The following SPRED1 variants were observed in gnomAD, a reference collection of about 807,000 sequenced individuals.
The protein encoded by SPRED1 is sprouty related EVH1 domain containing 1, also known as sprouty-related, EVH1 domain-containing protein 1.
Under a neutral mutation model 52.3 loss-of-function variants are expected in SPRED1, and 18 were observed. The ratio of observed to expected loss-of-function variants is 0.34; its 90% CI spans 0.24 to 0.51. The LOEUF (loss-of-function observed/expected upper bound fraction) is 0.51. SPRED1 is among the 20% of genes least tolerant of loss of function. The pLI is 0.97. For missense variants in SPRED1, 485 were observed against 551.0 expected (o/e 0.88, Z 1.20); for synonymous variants, 155 against 179.7 (o/e 0.86, Z 1.10).
intron 2 of SPRED1, among the ~76,000 whole-genome samples, chr15:38,307,230 T>G (rs1895268412): frequency 6.6e-6 from 1 of 152,206 alleles, no homozygotes; most frequent in Non-Finnish European, 1.5e-5. Context: ...ATTCCTTTGG[T>G]TAATCAACCA....
At chr15:38,341,874 C>T (rs1333483241) in intron 5 of SPRED1, among the ~76,000 whole-genome samples, 1 of 151,978 alleles carries the variant, frequency 6.6e-6, no homozygotes, top group Non-Finnish European at 1.5e-5. Context: ...GAGATATCCT[C>T]TTTTATCTCT....
rs371200183 is a variant in SPRED1, at chr15:38,253,174, G to C, written c.-12G>C. ...CTCCTCCATCTCCAGATCGGATCAC[G>C]GTGAGGGAAAGATGAGCGAGGAGAC... On this transcript the variant is annotated 5_prime_UTR_variant, in exon 1 of 7. Transcript: ENST00000299084. 8.2e-6 allele frequency: 13 copies of C among 1,577,574 alleles called. No individual in the cohort carries two copies. The East Asian group carries it at 1.9e-4, about 23-fold the overall frequency.
rs139852018 is a variant in SPRED1, at chr15:38,342,225, T to C, written c.582+2330T>C. On this transcript the variant is annotated intron_variant, in intron 5 of 6. Transcript: ENST00000299084. ...GATTCTTATCCCTTTATTAGCTAAT[T>C]AGTAATACAGCTGTTAAGTATTTTT... Among the ~76,000 whole-genome samples the C allele has an allele frequency of 3.3e-5, 5 of 152,122 alleles. No homozygotes were observed. In the East Asian group the frequency reaches 9.6e-4, roughly 29 times the overall value.
chr15:38,274,852 A>G (rs905795430), intron 1 of SPRED1, among the ~76,000 whole-genome samples: 9 of 152,218 alleles, frequency 5.9e-5, no homozygotes, highest in South Asian at 2.1e-4. Context: ...TGGCAACAAT[A>G]CTATAGAGTG....
At chr15:38,331,513 T>C (rs1306050078) in intron 4 of SPRED1, among the ~76,000 whole-genome samples, 2 of 152,098 alleles carry the variant, frequency 1.3e-5, no homozygotes, top group African/African-American at 4.8e-5. Flanking sequence ...TAAGAAAGTG[T>C]TTTGGTTATT....
At chr15:38,334,410 C>T (rs1023671322) in intron 4 of SPRED1, among the ~76,000 whole-genome samples, 3 of 151,882 alleles carry the variant, frequency 2.0e-5, no homozygotes, top group South Asian at 2.1e-4. Flanking sequence ...CAAATGTACA[C>T]GTTCTATTAT....
chr15:38,268,091 TA>T (rs898351970), intron 1 of SPRED1: 2 of 152,236 alleles, frequency 1.3e-5, no homozygotes, highest in African/African-American at 4.8e-5. Flanking sequence ...TAATTTGCAA[TA>T]CATTGCTATA....
intron 2 of SPRED1, among the ~76,000 whole-genome samples, chr15:38,319,869 G>A (rs1400135065): frequency 1.3e-5 from 2 of 152,152 alleles, no homozygotes; most frequent in Non-Finnish European, 2.9e-5. Context: ...TTAACAATCA[G>A]CTTTCAAGAG....
At chr15:38,320,024 C>T (rs2140993163) in intron 2 of SPRED1, among the ~76,000 whole-genome samples, 1 of 152,194 alleles carries the variant, frequency 6.6e-6, no homozygotes, top group African/African-American at 2.4e-5. Context: ...ATATGACAGA[C>T]ATAAACTACC....
At chr15:38,275,731 C>T (rs1022535162) in intron 1 of SPRED1, among the ~76,000 whole-genome samples, 2 of 152,120 alleles carry the variant, frequency 1.3e-5, no homozygotes, top group African/African-American at 4.8e-5. Flanking sequence ...CTCCTGACCT[C>T]GTGATCCACC....
intron 2 of SPRED1, among the ~76,000 whole-genome samples, chr15:38,316,201 C>T (rs923608676): frequency 2.0e-5 from 3 of 151,832 alleles, no homozygotes; most frequent in Admixed American, 1.3e-4. Context: ...ATAAGGAAAC[C>T]GTTTGTTTTC....
intron 5 of SPRED1, among the ~76,000 whole-genome samples, chr15:38,349,052 C>G (rs1356900819): frequency 6.6e-6 from 1 of 152,146 alleles, no homozygotes; most frequent in Admixed American, 6.6e-5. Flanking sequence ...GCCCCTCCTT[C>G]CCTATTCCCA....
chr15:38,330,914 G>A (rs964326129), intron 4 of SPRED1, among the ~76,000 whole-genome samples: 7 of 151,982 alleles, frequency 4.6e-5, no homozygotes, highest in Non-Finnish European at 1.0e-4. Flanking sequence ...TTTTCTCTAA[G>A]AACTAGTACC....
chr15:38,300,793 G>A (rs189056417), intron 2 of SPRED1, among the ~76,000 whole-genome samples: 2 of 152,194 alleles, frequency 1.3e-5, no homozygotes, highest in Non-Finnish European at 2.9e-5. Context: ...TTTAAAGGTG[G>A]TCTGGCCTTG....
intron 5 of SPRED1, among the ~76,000 whole-genome samples, chr15:38,341,119 T>C (rs1896022179): frequency 6.6e-6 from 1 of 151,820 alleles, no homozygotes; most frequent in South Asian, 2.1e-4. Context: ...TACAGTAACT[T>C]TGTCTGTTTC....
chr15:38,272,059 G>A lies in SPRED1; in HGVS notation c.32+18842G>A, dbSNP rs758204922. Among the ~76,000 whole-genome samples the A allele has an allele frequency of 5.9e-5, 9 of 152,036 alleles. No individual in the cohort carries two copies. The East Asian group carries it at 1.3e-3, about 23-fold the overall frequency. On this transcript the variant is annotated intron_variant, in intron 1 of 6. Coordinates refer to ENST00000299084, the MANE Select transcript of SPRED1 (RefSeq NM_152594.3). ...AGGATAATGGCCTCCAGCTGCATAC[G>A]TGTTGCTGCAAAGGACATGATTTTG...
chr15:38,351,217 T>C lies in SPRED1; in HGVS notation c.888T>C (p.Cys296=), dbSNP rs775556490. 3.1e-6 allele frequency: 5 copies of C among 1,614,050 alleles called. No individual in the cohort carries two copies. Among genetic ancestry groups the C allele is most frequent in the Non-Finnish European group, 4.2e-6 (5 of 1,180,026 alleles). Residue 296 remains cysteine, a synonymous_variant, in exon 7 of 7, where the codon TGT becomes TGC. Coordinates refer to ENST00000299084, the MANE Select transcript of SPRED1 (RefSeq NM_152594.3). ...DSKKSDYLYS[C]GDETKLSSPK... Reference sequence around the variant, plus strand: ...AAAAATCAGACTATCTGTACTCTTGTGGGGATGAGACTAAGTTAAGTTCAC... The same window carrying C: ...AAAAATCAGACTATCTGTACTCTTGCGGGGATGAGACTAAGTTAAGTTCAC...
At chr15:38,344,376 G>A (rs1168447743) in intron 5 of SPRED1, among the ~76,000 whole-genome samples, 1 of 152,120 alleles carries the variant, frequency 6.6e-6, no homozygotes, top group Non-Finnish European at 1.5e-5. Context: ...TGAAAGAACT[G>A]TAAATTTAAA....
chr15:38,291,225 C>T (rs1054341962), intron 1 of SPRED1, among the ~76,000 whole-genome samples: 1 of 152,254 alleles, frequency 6.6e-6, no homozygotes. Flanking sequence ...GACCCCATGT[C>T]TCACATCCAG....
Sources: gnomAD v4.1 joint callset for allele counts (sites outside exome capture counted in the v4.1 genomes callset) on GRCh38, gnomAD v4.1.1 for gene constraint, MANE v1.5 for transcripts, NCBI Gene and HGNC (gene_info 2026-07-23, HGNC 2026-07-21) for gene names.